The following SYNPO variants were observed in gnomAD, a reference collection of about 807,000 sequenced individuals.
The protein encoded by SYNPO is synaptopodin.
Under a neutral mutation model 49.5 loss-of-function variants are expected in SYNPO, and 19 were observed. That is an observed-to-expected ratio of 0.38 (90% CI 0.27 to 0.56). SYNPO has a LOEUF of 0.56. Ranked by LOEUF, SYNPO falls within the 20% of genes least tolerant of loss-of-function variation. The pLI is 0.68. For missense variants in SYNPO, 1,131 were observed against 1,248.3 expected, an observed-to-expected ratio of 0.91 and a Z score of 1.42; for synonymous variants, 536 against 548.0, an observed-to-expected ratio of 0.98 and a Z score of 0.31.
rs933933458 is a variant in SYNPO at position 150,604,084 on chromosome 5, C to A, written c.-266+2896C>A. On this transcript the variant is annotated intron_variant, in intron 1 of 2. Coordinates refer to the SYNPO transcript ENST00000394243. ...GCCATGATCAGGGGCATAGCCTCTG[C>A]CTGCAGAACATGCCACATTCTAACT... 2.6e-5 allele frequency among the ~76,000 whole-genome samples: 4 copies of A among 152,196 alleles called. No homozygotes were observed. In the East Asian group the frequency reaches 7.7e-4, roughly 29 times the overall value.
intron 2 of SYNPO, among the ~76,000 whole-genome samples, chr5:150,634,827 AACACACACACACACAC>A (rs202176402): frequency 0.01 from 1,298 of 124,766 alleles, 32 homozygotes; most frequent in African/African-American, 0.044. Context: ...CCCTGTCTAA[AACACACACACACACAC>A]ACACACACAC....
At chr5:150,625,726 A>T (rs1232604769) in intron 2 of SYNPO, among the ~76,000 whole-genome samples, 1 of 152,154 alleles carries the variant, frequency 6.6e-6, no homozygotes, top group Admixed American at 6.5e-5. Context: ...ACTCAGGAAA[A>T]GGTCTCCTTT....
intron 1 of SYNPO, among the ~76,000 whole-genome samples, chr5:150,646,909 T>C (rs1000524911): frequency 6.6e-6 from 1 of 152,162 alleles, no homozygotes; most frequent in South Asian, 2.1e-4. Flanking sequence ...AGTGCCACTG[T>C]ATGACAGGTG....
chr5:150,620,751 T>C (rs1369223180), intron 2 of SYNPO, among the ~76,000 whole-genome samples: 1 of 152,140 alleles, frequency 6.6e-6, no homozygotes, highest in African/African-American at 2.4e-5. Context: ...GGTATTATTC[T>C]CCCCATTTTA....
At chr5:150,633,670 A>C (rs1561645825) in intron 2 of SYNPO, among the ~76,000 whole-genome samples, 1 of 152,224 alleles carries the variant, frequency 6.6e-6, no homozygotes, top group Non-Finnish European at 1.5e-5. Flanking sequence ...GTGCAGTGAG[A>C]TCCTGGGCAG....
chr5:150,593,258 CG>C, the SYNPO span, among the ~76,000 whole-genome samples: 2 of 152,154 alleles, frequency 1.3e-5, no homozygotes, highest in East Asian at 1.9e-4. Context: ...TCCTGGGAGC[CG>C]GGGCCAGGGC....
At position 150,659,197 on chromosome 5, in the gene SYNPO, C is replaced by T. The variant is rs1758671522; in HGVS notation, c.*2110C>T. The T allele has an allele frequency of 6.6e-6, 1 of 152,550 alleles. No homozygotes were observed. The highest frequency in any genetic ancestry group is 1.5e-5 in the Non-Finnish European group (1 of 68,182). The allele number at this position is 152,550 out of a possible 1,614,324, so 9.4% of individuals were successfully genotyped here. ...ATGCAGCTCTGGCCCTCAATAAATG[C>T]TTCCTGCATTCTTCTGCCTCCTGTG... is the stretch of plus-strand genomic sequence containing the variant. On this transcript the variant is annotated 3_prime_UTR_variant, in exon 3 of 3. Transcript: ENST00000307662.
rs143350855 is a variant in SYNPO at position 150,605,514 on chromosome 5, T to C, written c.-266+4326T>C. Among the ~76,000 whole-genome samples the C allele has an allele frequency of 9.7e-3, 1,470 of 151,256 alleles. 24 individuals are homozygous for C. The highest frequency in any genetic ancestry group is 0.034 in the African/African-American group (1,386 of 41,158). ...GGGGTGGGGGCAAGAAGGTAGGAAA[T>C]CTTATGGGGAGAGGGGAAGGGGAGG... On this transcript the variant is annotated intron_variant, in intron 1 of 2. Coordinates refer to the SYNPO transcript ENST00000394243.
rs1405537122 is a variant in SYNPO at position 150,649,095 on chromosome 5, C to G, written c.820C>G (p.Pro274Ala). The change falls in exon 2 of 3, where the codon CCC becomes GCC. Residue 274 changes from proline (P) to alanine (A), a missense_variant. By Grantham distance (27) the Pro-to-Ala change is conservative. Transcript: ENST00000307662. Reference protein sequence around the residue: ...HFGEKAPAPQPPSLPDRSPRP... With the variant: ...HFGEKAPAPQAPSLPDRSPRP... ...TGGGGAGAAGGCCCCGGCTCCCCAG[C>G]CCCCCAGTTTGCCAGACAGGAGCCC... 6.2e-7 allele frequency: 1 copy of G among 1,613,672 alleles called. No homozygotes were observed. Among genetic ancestry groups the G allele is most frequent in the Non-Finnish European group, 8.5e-7 (1 of 1,179,732 alleles).
chr5:150,622,188 T>C (rs958483664), intron 2 of SYNPO, among the ~76,000 whole-genome samples: 1 of 152,248 alleles, frequency 6.6e-6, no homozygotes, highest in Non-Finnish European at 1.5e-5. Context: ...ACTTTTCTTA[T>C]CTCTGTTTTA....
intron 1 of SYNPO, among the ~76,000 whole-genome samples, chr5:150,647,045 C>T (rs1187749592): frequency 1.3e-5 from 2 of 152,068 alleles, no homozygotes; most frequent in African/African-American, 4.8e-5. Flanking sequence ...GAGTTCGAGA[C>T]CAGCCTGGCC....
In SYNPO at chr5:150,648,576, C is replaced by A. The variant is rs560109540; in HGVS notation, c.301C>A (p.Pro101Thr). Residue 101 changes from proline (P) to threonine (T), a missense_variant, in exon 2 of 3, where the codon CCG becomes ACG. By Grantham distance (38) the Pro-to-Thr change is conservative. Coordinates refer to ENST00000307662, the MANE Select transcript of SYNPO (RefSeq NM_007286.6). The surrounding 1 kb of genome is among the most constrained non-coding windows in gnomAD (Gnocchi z 5.0). ...PPATDVNQNP[P>T]ATVVPQSLPL... is the part of the protein sequence containing the mutation. The stretch of plus-strand genomic sequence containing the variant: ...AGCCACCGATGTCAATCAGAACCCA[C>A]CGGCAACTGTTGTCCCACAGAGCCT... The A allele has an allele frequency of 2.5e-6, 4 of 1,614,100 alleles. No homozygotes were observed. Among genetic ancestry groups the A allele is most frequent in the Non-Finnish European group, 3.4e-6 (4 of 1,180,052 alleles).
Position 150,649,053 on chromosome 5 carries a change from C to T in SYNPO, c.778C>T (p.Leu260=), listed in dbSNP as rs1758233772. 1 of 1,614,136 alleles carries T rather than the reference C, an allele frequency of 6.2e-7. No individual in the cohort carries two copies. Among genetic ancestry groups the T allele is most frequent in the African/African-American group, 1.3e-5 (1 of 75,060 alleles). ...CAGCCAGATGGAGAGGAGCCCCATG[C>T]TAGAGAGACGACATTTTGGGGAGAA... ...GTSQMERSPM[L]ERRHFGEKAP... Residue 260 remains leucine (L), a synonymous_variant, in exon 2 of 3, where the codon CTA becomes TTA. Coordinates refer to ENST00000307662, the MANE Select transcript of SYNPO (RefSeq NM_007286.6).
chr5:150,609,363 C>T (rs6882749), intron 1 of SYNPO, among the ~76,000 whole-genome samples: 18,705 of 152,176 alleles, frequency 0.12, 2,481 homozygotes, highest in African/African-American at 0.33. Flanking sequence ...GGCTCTATCT[C>T]GGCTCACTGC....
At position 150,650,849 on chromosome 5, in the gene SYNPO, TG is replaced by T. The variant is rs1758352443; in HGVS notation, c.2028+549del. The T allele has an allele frequency of 3.9e-6, 5 of 1,270,296 alleles. No individual in the cohort carries two copies. The South Asian group carries it at 1.8e-4, about 46-fold the overall frequency. The allele number at this position is 1,270,296 out of a possible 1,614,324, so 78.7% of individuals were successfully genotyped here. ...TCCTGTTGCTGGATTCTCACCTCCA[TG>T]GGCCTGTCTCTTCTGCCTCTGCCTT... On this transcript the variant is annotated intron_variant, in intron 2 of 2. Coordinates refer to ENST00000307662, the MANE Select transcript of SYNPO (RefSeq NM_007286.6).
At chr5:150,625,865 C>T (rs1313029241) in intron 2 of SYNPO, among the ~76,000 whole-genome samples, 5 of 152,210 alleles carry the variant, frequency 3.3e-5, no homozygotes, top group Admixed American at 3.3e-4. Context: ...CCCCCATCCC[C>T]CACCCTGTCC....
exon 2 of SYNPO, chr5:150,618,203 G>C: frequency 1.2e-6 from 1 of 830,600 alleles, no homozygotes. Context: ...GTCTCAGCCA[G>C]ACCTCACCCC....
upstream of SYNPO, among the ~76,000 whole-genome samples, chr5:150,635,926 T>G (rs1757701145): frequency 6.6e-6 from 1 of 152,264 alleles, no homozygotes; most frequent in Non-Finnish European, 1.5e-5. Context: ...CGTTCTTTGC[T>G]CAGATGTGCC....
chr5:150,650,853 C>T, intron 2 of SYNPO: 2 of 1,269,750 alleles, frequency 1.6e-6, no homozygotes, highest in African/African-American at 3.1e-5. Context: ...CCTCCATGGG[C>T]CTGTCTCTTC....
Sources: allele counts gnomAD v4.1 joint callset (sites outside exome capture counted in the v4.1 genomes callset), GRCh38; gene constraint gnomAD v4.1.1; non-coding constraint Gnocchi (gnomAD v3.1); transcripts MANE v1.5; gene names NCBI Gene and HGNC (gene_info 2026-07-23, HGNC 2026-07-21).